Variants in MARK3 observed in about 807,000 individuals in gnomAD.
MARK3 encodes microtubule affinity regulating kinase 3, also known as MAP/microtubule affinity-regulating kinase 3.
MARK3 carries 46 observed loss-of-function variants against 90.1 expected under a neutral mutation model. That is an observed-to-expected ratio of 0.51 (90% CI 0.40 to 0.65). The LOEUF (loss-of-function observed/expected upper bound fraction) is 0.65. MARK3 is among the 30% of genes least tolerant of loss of function. The pLI, the probability that MARK3 is intolerant of heterozygous loss-of-function variation, is 0.00. For missense variants in MARK3, 818 were observed against 947.2 expected, an observed-to-expected ratio of 0.86 and a Z score of 1.79; for synonymous variants, 321 against 332.6, an observed-to-expected ratio of 0.97 and a Z score of 0.38.
chr14:103,475,316 C>G, intron 13 of MARK3, 106 bp downstream of exon 13: 1 of 856,070 alleles, frequency 1.2e-6, no homozygotes, highest in Non-Finnish European at 1.9e-6. Context: ...GGAATGCCCT[C>G]TCTACTAGGC....
intron 3 of MARK3, among the ~76,000 whole-genome samples, chr14:103,428,706 T>A (rs2092487621): frequency 6.6e-6 from 1 of 152,194 alleles, no homozygotes; most frequent in Non-Finnish European, 1.5e-5. Context: ...TGTACGAGGC[T>A]GTACTTTTTA....
At chr14:103,489,346 G>A (rs2093980551) in intron 14 of MARK3, 1 of 152,280 alleles carries the variant, frequency 6.6e-6, no homozygotes, top group African/African-American at 2.4e-5. Flanking sequence ...GAGATGGCAG[G>A]GGCCAGACTT....
chr14:103,462,604 T>A, intron 7 of MARK3, 143 bp downstream of exon 7: 1 of 505,384 alleles, frequency 2.0e-6, no homozygotes, highest in Non-Finnish European at 3.5e-6. Context: ...AATCAAGTTA[T>A]GGGAAAGAGC....
intron 17 of MARK3, among the ~76,000 whole-genome samples, chr14:103,500,886 T>C (rs1476251900): frequency 6.6e-6 from 1 of 152,192 alleles, no homozygotes; most frequent in African/African-American, 2.4e-5. Context: ...CCTCCCAAAG[T>C]GCTGGGATGA....
intron 4 of MARK3, among the ~76,000 whole-genome samples, chr14:103,451,365 C>T (rs919626151): frequency 3.9e-5 from 6 of 152,168 alleles, no homozygotes; most frequent in African/African-American, 1.2e-4. Context: ...GATTCCCCCC[C>T]TCAATTAATT....
intron 2 of MARK3, among the ~76,000 whole-genome samples, chr14:103,425,452 G>A (rs1241864872): frequency 6.6e-6 from 1 of 151,592 alleles, no homozygotes; most frequent in Non-Finnish European, 1.5e-5. Context: ...TAGTAGAGAC[G>A]GGGTTTCACC....
chr14:103,408,110 GAACTT>G (rs1160434472), intron 2 of MARK3, among the ~76,000 whole-genome samples: 15 of 152,230 alleles, frequency 9.9e-5, no homozygotes, highest in Non-Finnish European at 2.1e-4. Flanking sequence ...GAAGATGACA[GAACTT>G]AACACAGTGC....
chr14:103,417,132 A>T (rs566623213), intron 2 of MARK3: 2 of 152,416 alleles, frequency 1.3e-5, no homozygotes, highest in South Asian at 4.1e-4. Context: ...AGCTGCAGGC[A>T]TGGCATTTGC....
intron 2 of MARK3, among the ~76,000 whole-genome samples, chr14:103,423,607 C>G (rs2092302433): frequency 6.6e-6 from 1 of 152,190 alleles, no homozygotes; most frequent in African/African-American, 2.4e-5. Flanking sequence ...GTTACCACCT[C>G]TTTTGGTGAC....
chr14:103,399,415 A>G (rs2090794997), intron 1 of MARK3, among the ~76,000 whole-genome samples: 1 of 152,146 alleles, frequency 6.6e-6, no homozygotes, highest in African/African-American at 2.4e-5. Context: ...TTTTTCTCCA[A>G]AAAGAAATTT....
intron 1 of MARK3, among the ~76,000 whole-genome samples, chr14:103,389,528 CAA>C (rs67737305): frequency 0.012 from 588 of 49,836 alleles, 5 homozygotes; most frequent in African/African-American, 0.045. Flanking sequence ...ACTCTGTCTC[CAA>C]AAAAAAAAAA....
At chr14:103,422,597 C>G (rs1489625902) in intron 2 of MARK3, among the ~76,000 whole-genome samples, 1 of 152,186 alleles carries the variant, frequency 6.6e-6, no homozygotes, top group Non-Finnish European at 1.5e-5. Context: ...CCCTAGAAGC[C>G]TCCCTTTGGC....
chr14:103,393,088 A>G (rs749793291), intron 1 of MARK3, among the ~76,000 whole-genome samples: 3 of 152,166 alleles, frequency 2.0e-5, no homozygotes, highest in Non-Finnish European at 4.4e-5. Context: ...GCTTCAAGCA[A>G]TTCTGCCTCA....
intron 3 of MARK3, among the ~76,000 whole-genome samples, chr14:103,438,123 C>T (rs1489996357): frequency 6.6e-6 from 1 of 152,036 alleles, no homozygotes; most frequent in East Asian, 1.9e-4. Flanking sequence ...CCCTCAGCCT[C>T]CCGAGTAGCT....
chr14:103,418,023 C>T (rs573228118), intron 2 of MARK3, among the ~76,000 whole-genome samples: 14 of 152,122 alleles, frequency 9.2e-5, no homozygotes, highest in East Asian at 1.9e-4. Context: ...GAGCCGAGAT[C>T]GCGCCACTGC....
intron 15 of MARK3, 140 bp downstream of exon 15, chr14:103,492,174 T>A: frequency 2.2e-6 from 2 of 913,972 alleles, no homozygotes; most frequent in Non-Finnish European, 1.6e-6. Flanking sequence ...TATATATATC[T>A]AACTTTATAC....
intron 4 of MARK3, among the ~76,000 whole-genome samples, chr14:103,451,202 G>A (rs2093140186): frequency 6.6e-6 from 1 of 151,746 alleles, no homozygotes; most frequent in African/African-American, 2.4e-5. Flanking sequence ...CAAAGTGCTG[G>A]GATTACAGGT....
intron 1 of MARK3, among the ~76,000 whole-genome samples, chr14:103,398,706 T>A (rs765498638): frequency 1.3e-5 from 2 of 152,248 alleles, no homozygotes; most frequent in Non-Finnish European, 2.9e-5. Context: ...TTCAATCTTA[T>A]CAAATCCTTT....
At chr14:103,455,836 A>G (rs1294951116) in intron 5 of MARK3, among the ~76,000 whole-genome samples, 1 of 152,232 alleles carries the variant, frequency 6.6e-6, no homozygotes, top group Non-Finnish European at 1.5e-5. Context: ...AAGAGTTTCA[A>G]AGTCAGATAA....
Sources: gnomAD v4.1 joint callset for allele counts (sites outside exome capture counted in the v4.1 genomes callset) on GRCh38, gnomAD v4.1.1 for gene constraint, MANE v1.5 for transcripts, NCBI Gene and HGNC (gene_info 2026-07-23, HGNC 2026-07-21) for gene names.